Variants in SLC26A7 observed in about 807,000 individuals in gnomAD.
SLC26A7 encodes the protein solute carrier family 26 member 7, also known as anion exchange transporter.
Under a neutral mutation model 82.5 loss-of-function variants are expected in SLC26A7, and 59 were observed. The observed-to-expected ratio is 0.72, with a 90% CI of 0.58 to 0.89. The LOEUF (loss-of-function observed/expected upper bound fraction) is 0.89, where lower values mean the gene tolerates loss of function less well. Among genes scored for constraint, SLC26A7 ranks in the 40% least tolerant of loss-of-function variants. The probability of loss-of-function intolerance (pLI) is 0.00; values close to 1 mark genes in which losing one functional copy is unlikely to be tolerated. For missense variants in SLC26A7, 820 were observed against 793.0 expected, an observed-to-expected ratio of 1.03 and a Z score of -0.41; for synonymous variants, 271 against 274.3, an observed-to-expected ratio of 0.99 and a Z score of 0.12.
At chr8:91,384,092 A>G (rs73307612) in intron 15 of SLC26A7, among the ~76,000 whole-genome samples, 169 of 152,280 alleles carry the variant, frequency 1.1e-3, no homozygotes, top group African/African-American at 4.0e-3. Flanking sequence ...GTGGCTTAAA[A>G]CAGCACGGAT....
chr8:91,231,622 G>T (rs896997670), intron 2 of SLC26A7, among the ~76,000 whole-genome samples: 2 of 151,168 alleles, frequency 1.3e-5, no homozygotes, highest in African/African-American at 4.9e-5. Context: ...AGGATTAAGA[G>T]TCTGACACTT....
intron 6 of SLC26A7, 94 bp from the exon 7 acceptor site, chr8:91,338,056 C>T: frequency 1.5e-6 from 1 of 675,078 alleles, no homozygotes; most frequent in East Asian, 3.1e-5. Context: ...GTTTATGGGA[C>T]ATGAGAACAA....
At chr8:91,371,265 TA>T (rs1814351464) in intron 15 of SLC26A7, among the ~76,000 whole-genome samples, 6 of 151,910 alleles carry the variant, frequency 3.9e-5, no homozygotes, top group Admixed American at 3.9e-4. Flanking sequence ...ATTATGGATC[TA>T]TTTTTTAAAT....
At chr8:91,227,544 T>G (rs1025898770) in intron 2 of SLC26A7, among the ~76,000 whole-genome samples, 1 of 152,230 alleles carries the variant, frequency 6.6e-6, no homozygotes, top group Non-Finnish European at 1.5e-5. Context: ...CAATCCAAAT[T>G]GATTTTCTCC....
At chr8:91,344,029 A>G in intron 9 of SLC26A7, 1 of 980,776 alleles carries the variant, frequency 1.0e-6, no homozygotes, top group Non-Finnish European at 1.2e-6. Context: ...GATGATGACG[A>G]TGTTGATGAT....
intron 15 of SLC26A7, among the ~76,000 whole-genome samples, chr8:91,371,837 C>T (rs1349564458): frequency 1.3e-5 from 2 of 151,900 alleles, no homozygotes; most frequent in Admixed American, 6.6e-5. Context: ...AGGGTTTGAA[C>T]TAATTTACAT....
At chr8:91,348,983 G>C (rs1813641559) in intron 9 of SLC26A7, among the ~76,000 whole-genome samples, 1 of 152,104 alleles carries the variant, frequency 6.6e-6, no homozygotes, top group Admixed American at 6.6e-5. Context: ...GGCCAGTTAG[G>C]GAATGATGGC....
intron 2 of SLC26A7, among the ~76,000 whole-genome samples, chr8:91,236,016 CTA>C (rs1397697191): frequency 6.6e-6 from 1 of 152,132 alleles, no homozygotes; most frequent in African/African-American, 2.4e-5. Context: ...ACTTTATGAA[CTA>C]TAAATCTCTC....
At chr8:91,330,337 T>G (rs1051253094) in intron 5 of SLC26A7, among the ~76,000 whole-genome samples, 10 of 152,148 alleles carry the variant, frequency 6.6e-5, no homozygotes, top group African/African-American at 2.4e-4. Context: ...CCAGGTGCAT[T>G]TGATCCTTGG....
chr8:91,363,679 A>T, intron 13 of SLC26A7, 141 bp downstream of exon 13: 1 of 471,698 alleles, frequency 2.1e-6, no homozygotes, highest in Non-Finnish European at 3.8e-6. Context: ...AGTGGTACAT[A>T]TGTGATCACA....
chr8:91,310,831 C>T lies in SLC26A7; in HGVS notation c.478-7385C>T, dbSNP rs145605453. 8.4e-4 allele frequency among the ~76,000 whole-genome samples: 123 copies of T among 147,186 alleles called. 3 individuals carry two copies. Among genetic ancestry groups the T allele is most frequent in the African/African-American group, 2.8e-3 (107 of 37,666 alleles). ...GGGAACACAAGACCCGGAAGCATGC[C>T]GACATATAAAACCCCAAGTCAAAGG... On this transcript the variant is annotated intron_variant, in intron 4 of 18. Coordinates refer to ENST00000276609, the MANE Select transcript of SLC26A7 (RefSeq NM_052832.4).
intron 2 of SLC26A7, among the ~76,000 whole-genome samples, chr8:91,262,159 A>C (rs1399391023): frequency 6.6e-6 from 1 of 152,066 alleles, no homozygotes; most frequent in African/African-American, 2.4e-5. Context: ...GGCTGGATAG[A>C]ATCAAGACAT....
chr8:91,287,576 C>G (rs1178436105), intron 2 of SLC26A7, among the ~76,000 whole-genome samples: 1 of 152,204 alleles, frequency 6.6e-6, no homozygotes, highest in Non-Finnish European at 1.5e-5. Flanking sequence ...TTCTTCTCCA[C>G]CACTGATTTA....
chr8:91,288,883 C>G (rs1181071595), intron 2 of SLC26A7, among the ~76,000 whole-genome samples: 2 of 152,128 alleles, frequency 1.3e-5, no homozygotes, highest in African/African-American at 2.4e-5. Flanking sequence ...CTCTCTGAAC[C>G]ACTGTTTTTT....
intron 3 of SLC26A7, among the ~76,000 whole-genome samples, chr8:91,293,068 C>A (rs1393788483): frequency 6.6e-6 from 1 of 152,068 alleles, no homozygotes; most frequent in Non-Finnish European, 1.5e-5. Context: ...CTCATTTATT[C>A]TCTATCAAAA....
At chr8:91,255,923 A>G (rs868637959) in intron 2 of SLC26A7, among the ~76,000 whole-genome samples, 2 of 152,262 alleles carry the variant, frequency 1.3e-5, no homozygotes, top group Admixed American at 6.5e-5. Flanking sequence ...TACGTGGTCT[A>G]TCTTCTGTTT....
chr8:91,233,158 G>A (rs1391216388), intron 2 of SLC26A7, among the ~76,000 whole-genome samples: 1 of 152,170 alleles, frequency 6.6e-6, no homozygotes, highest in East Asian at 1.9e-4. Flanking sequence ...TTTCAGCCTA[G>A]TTAAGATTCA....
At chr8:91,332,167 A>G (rs1276558612) in intron 5 of SLC26A7, among the ~76,000 whole-genome samples, 1 of 146,106 alleles carries the variant, frequency 6.8e-6, no homozygotes, top group African/African-American at 2.5e-5. Context: ...ATACACACAC[A>G]TATATATATA....
intron 2 of SLC26A7, among the ~76,000 whole-genome samples, chr8:91,238,633 G>T (rs1457145701): frequency 2.0e-5 from 3 of 150,606 alleles, no homozygotes; most frequent in Non-Finnish European, 4.4e-5. Context: ...ATTCAAAAAG[G>T]GCACTTTAGA....
Sources: allele counts gnomAD v4.1 joint callset (sites outside exome capture counted in the v4.1 genomes callset), GRCh38; gene constraint gnomAD v4.1.1; transcripts MANE v1.5; gene names NCBI Gene and HGNC (gene_info 2026-07-23, HGNC 2026-07-21).